CCDC174: variants seen among roughly 807,000 people sequenced by gnomAD.
CCDC174 encodes the protein coiled-coil domain-containing protein 174.
Under a neutral mutation model 57.1 loss-of-function variants are expected in CCDC174, and 37 were observed. The observed-to-expected ratio is 0.65, with a 90% CI of 0.50 to 0.85. The LOEUF (loss-of-function observed/expected upper bound fraction) is 0.85. CCDC174 is among the 40% of genes least tolerant of loss of function. The pLI, the probability that CCDC174 is intolerant of heterozygous loss-of-function variation, is 0.00. For synonymous variants in CCDC174, 182 were observed against 190.2 expected (o/e 0.96, Z 0.35); for missense variants, 540 against 574.3 (o/e 0.94, Z 0.61).
intron 6 of CCDC174, among the ~76,000 whole-genome samples, chr3:14,666,227 A>T (rs2031334581): frequency 6.6e-6 from 1 of 152,104 alleles, no homozygotes; most frequent in Non-Finnish European, 1.5e-5. Flanking sequence ...GCCACCTCCC[A>T]TCTGGTCAGC....
rs1559384607 is a variant in CCDC174 at position 14,671,100 on chromosome 3, C to CACCCACTCCTGCCCCCGACA, written c.1317_1336dup (p.Pro446LeufsTer21). The CACCCACTCCTGCCCCCGACA allele has an allele frequency of 6.2e-7, 1 of 1,614,192 alleles. No homozygotes were observed. Among genetic ancestry groups the CACCCACTCCTGCCCCCGACA allele is most frequent in the South Asian group, 1.1e-5 (1 of 91,088 alleles). ...CACGGACCTAGCCCTGAACATACGT[C>CACCCACTCCTGCCCCCGACA]ACCCACTCCTGCCCCCGACAACCCA... On this transcript the variant is annotated frameshift_variant, in exon 11 of 11. Transcript: ENST00000383794. LOFTEE classifies it high-confidence loss of function.
At chr3:14,660,375 G>C (rs1016236267) in intron 4 of CCDC174, among the ~76,000 whole-genome samples, 1 of 152,194 alleles carries the variant, frequency 6.6e-6, no homozygotes, top group Non-Finnish European at 1.5e-5. Flanking sequence ...GTGGTGGCAG[G>C]CACCTGTAGT....
chr3:14,667,390 G>C (rs1240299793), intron 7 of CCDC174, 34 bp from the exon 8 acceptor site: 2 of 1,504,512 alleles, frequency 1.3e-6, no homozygotes, highest in East Asian at 2.3e-5. Context: ...GATCAGGACA[G>C]TCTGATCTTT....
At chr3:14,659,189 A>T (rs2031051503) in intron 4 of CCDC174, among the ~76,000 whole-genome samples, 1 of 150,596 alleles carries the variant, frequency 6.6e-6, no homozygotes, top group African/African-American at 2.4e-5. Flanking sequence ...AGGCAGGGTC[A>T]TCTGGTGGAG....
Position 14,668,005 on chromosome 3 carries a change from G to A in CCDC174, c.820-44G>A, listed in dbSNP as rs751961504. 2.6e-6 allele frequency: 4 copies of A among 1,551,728 alleles called. No homozygotes were observed. In the East Asian group the frequency reaches 9.1e-5, roughly 35 times the overall value. On this transcript the variant is annotated intron_variant, in intron 8 of 10. Coordinates refer to ENST00000383794, the MANE Select transcript of CCDC174 (RefSeq NM_016474.5). ...TTTCATCTTTTTGGACAGGAATATTGCAAATTTGGCTTCAAGCAAATAATT... is the reference window on the plus strand; with the variant it reads ...TTTCATCTTTTTGGACAGGAATATTACAAATTTGGCTTCAAGCAAATAATT...
intron 9 of CCDC174, among the ~76,000 whole-genome samples, chr3:14,668,419 A>G (rs1281712118): frequency 6.6e-6 from 1 of 152,226 alleles, no homozygotes; most frequent in East Asian, 1.9e-4. Context: ...GCATCTTAGA[A>G]TGGCATAGTC....
Position 14,671,280 on chromosome 3 carries a change from A to G in CCDC174, c.*86A>G. 7.5e-7 allele frequency: 1 copy of G among 1,342,036 alleles called. No individual in the cohort carries two copies. The highest frequency in any genetic ancestry group is 1.0e-6 in the Non-Finnish European group (1 of 976,320). 83.1% of individuals were successfully genotyped at this position (1,342,036 alleles called of 1,614,324 possible). A position where few individuals can be genotyped will look rare whatever the true frequency, so the allele number is the denominator to read the frequency against. On this transcript the variant is annotated 3_prime_UTR_variant, in exon 11 of 11. Transcript: ENST00000383794. Reference sequence around the variant, plus strand: ...GAAATAACTTTAGGAACTGAATTGTACCTTTGTCCTGTCCTTTCCCTAGGA... The same window carrying G: ...GAAATAACTTTAGGAACTGAATTGTGCCTTTGTCCTGTCCTTTCCCTAGGA...
Position 14,661,600 on chromosome 3 carries a change from G to A in CCDC174, c.378G>A (p.Glu126=), listed in dbSNP as rs2031139660. The change falls in exon 5 of 11, where the codon GAG becomes GAA. Residue 126 remains glutamate, a synonymous_variant. Coordinates refer to ENST00000383794, the MANE Select transcript of CCDC174 (RefSeq NM_016474.5). ...TCATAGACAAGCGCAAAGAAATGGA[G>A]GCATCTGGTGCCCATAGAGATTCTC... is the stretch of plus-strand genomic sequence containing the variant. The part of the protein sequence containing the change: ...QKIIDKRKEM[E]ASGAHRDSQK... The A allele has an allele frequency of 6.2e-7, 1 of 1,614,172 alleles. No individual in the cohort carries two copies. The highest frequency in any genetic ancestry group is 8.5e-7 in the Non-Finnish European group (1 of 1,179,986).
At chr3:14,670,655 T>C (rs917763342) in intron 10 of CCDC174, among the ~76,000 whole-genome samples, 1 of 152,236 alleles carries the variant, frequency 6.6e-6, no homozygotes, top group Non-Finnish European at 1.5e-5. Flanking sequence ...AATTTGTCTG[T>C]ATTTCTCTTT....
chr3:14,664,589 C>T (rs2031255318), intron 5 of CCDC174, among the ~76,000 whole-genome samples: 1 of 151,950 alleles, frequency 6.6e-6, no homozygotes, highest in Non-Finnish European at 1.5e-5. Flanking sequence ...TAGAATTATA[C>T]CAATTAGAGG....
At chr3:14,670,771 A>G in intron 10 of CCDC174, 125 bp from the exon 11 acceptor site, 4 of 817,236 alleles carry the variant, frequency 4.9e-6, no homozygotes, top group Non-Finnish European at 3.8e-6. Flanking sequence ...TGCTGTTGCC[A>G]TTCTTATTCT....
Position 14,668,127 on chromosome 3 carries a change from C to T in CCDC174, c.898C>T (p.Arg300Ter), listed in dbSNP as rs188391692. Reference protein sequence around the residue: ...AILEARLAKLRQKKMKKSKEG... With the variant: ...AILEARLAKL ...CTTAGAGGCAAGACTTGCCAAACTT[C>T]GACAAAAAAAGATGAAAAAATCAAA... Residue 300 changes from arginine (R) to a stop codon, truncating the protein, a stop_gained, in exon 9 of 11, where the codon CGA becomes TGA. Transcript: ENST00000383794. LOFTEE classifies it high-confidence loss of function. 17 of 1,605,090 alleles carry T rather than the reference C, an allele frequency of 1.1e-5. No individual in the cohort carries two copies. The highest frequency in any genetic ancestry group is 2.3e-5 in the East Asian group (1 of 44,320).
chr3:14,652,238 C>T (rs879212562), intron 1 of CCDC174, among the ~76,000 whole-genome samples: 4 of 152,134 alleles, frequency 2.6e-5, no homozygotes, highest in African/African-American at 9.7e-5. Flanking sequence ...CTTCTTTTTG[C>T]TATGCAGACA....
In CCDC174 at chr3:14,654,417, T is replaced by G; in HGVS notation, c.43-9T>G. 6.8e-7 allele frequency: 1 copy of G among 1,468,394 alleles called. No individual in the cohort carries two copies. The highest frequency in any genetic ancestry group is 9.4e-7 in the Non-Finnish European group (1 of 1,060,158). The allele number at this position is 1,468,394 out of a possible 1,614,324, so 91.0% of individuals were successfully genotyped here. The stretch of plus-strand genomic sequence containing the variant: ...TAATATTTTTGTTTACTTACTGCTT[T>G]CATTCTAGTTGGTAGATCTTAAGGC... On this transcript the variant is annotated splice_polypyrimidine_tract_variant and intron_variant, in intron 1 of 10. Coordinates refer to ENST00000383794, the MANE Select transcript of CCDC174 (RefSeq NM_016474.5).
intron 9 of CCDC174, among the ~76,000 whole-genome samples, chr3:14,669,149 A>G (rs529818174): frequency 1.3e-5 from 2 of 152,218 alleles, no homozygotes; most frequent in African/African-American, 4.8e-5. Context: ...CCACATGCTC[A>G]GCTGCAACCG....
Position 14,671,209 on chromosome 3 carries a change from C to G in CCDC174, c.*15C>G. 1 of 1,596,014 alleles carries G rather than the reference C, an allele frequency of 6.3e-7. No homozygotes were observed. The highest frequency in any genetic ancestry group is 1.7e-4 in the Middle Eastern group (1 of 5,974). On this transcript the variant is annotated 3_prime_UTR_variant, in exon 11 of 11. Coordinates refer to ENST00000383794, the MANE Select transcript of CCDC174 (RefSeq NM_016474.5). ...AAGTGACATGATCTTTCAAAGCACG[C>G]TGACTTGGGTTTGTACTTTGACAGT... is the stretch of plus-strand genomic sequence containing the variant.
chr3:14,652,915 CG>C (rs56882357), intron 1 of CCDC174, among the ~76,000 whole-genome samples: 4 of 105,708 alleles, frequency 3.8e-5, no homozygotes, highest in East Asian at 2.7e-4. Context: ...GGGCGGGGGG[CG>C]GGGGGAAGAA....
intron 5 of CCDC174, 64 bp downstream of exon 5, chr3:14,661,771 G>T: frequency 7.0e-7 from 1 of 1,436,194 alleles, no homozygotes; most frequent in Non-Finnish European, 9.4e-7. Context: ...TTTTGGGAGT[G>T]ATTTTGTTGG....
Position 14,672,019 on chromosome 3 carries a change from G to A in CCDC174, c.*825G>A, listed in dbSNP as rs13081145. On this transcript the variant is annotated 3_prime_UTR_variant, in exon 11 of 11. Transcript: ENST00000383794. The stretch of plus-strand genomic sequence containing the variant: ...TGCACAGTGGAGCAGGTGGGTTCCC[G>A]TGTCATTAGTAATAAGGAGAGGGTT... 0.44 allele frequency: 67,462 copies of A among 151,710 alleles called. 16,719 individuals are homozygous for A. Among genetic ancestry groups the A allele is most frequent in the South Asian group, 0.65 (3,143 of 4,810 alleles). The allele number at this position is 151,710 out of a possible 1,614,324, so 9.4% of individuals were successfully genotyped here.
Sources: gnomAD v4.1 joint callset for allele counts (sites outside exome capture counted in the v4.1 genomes callset) on GRCh38, gnomAD v4.1.1 for gene constraint, MANE v1.5 for transcripts, NCBI Gene and HGNC (gene_info 2026-07-23, HGNC 2026-07-21) for gene names.